The following PPP1R1C variants were observed in gnomAD, a reference collection of about 807,000 sequenced individuals.
PPP1R1C encodes protein phosphatase 1 regulatory subunit 1C.
Under a neutral mutation model 17.4 loss-of-function variants are expected in PPP1R1C, and 15 were observed. The ratio of observed to expected loss-of-function variants is 0.86; its 90% CI spans 0.58 to 1.33. PPP1R1C has a LOEUF of 1.33. PPP1R1C is among the 40% of genes most tolerant of loss of function. The pLI is 0.00. For synonymous variants in PPP1R1C, 35 were observed against 43.1 expected (o/e 0.81, Z 0.73); for missense variants, 143 against 130.0 (o/e 1.10, Z -0.48).
At chr2:181,965,525 G>C (rs967908444) in intron 1 of PPP1R1C, among the ~76,000 whole-genome samples, 2 of 152,154 alleles carry the variant, frequency 1.3e-5, no homozygotes, top group Non-Finnish European at 2.9e-5. Context: ...TAAATATTCA[G>C]TTTTCCTGGC....
chr2:182,034,902 GT>G (rs1186658021), intron 2 of PPP1R1C, among the ~76,000 whole-genome samples: 9 of 152,344 alleles, frequency 5.9e-5, no homozygotes, highest in African/African-American at 1.9e-4. Context: ...TACAATGAAT[GT>G]TTTATGGATT....
intron 2 of PPP1R1C, among the ~76,000 whole-genome samples, chr2:182,043,597 A>AT (rs1687251945): frequency 6.6e-6 from 1 of 152,172 alleles, no homozygotes; most frequent in African/African-American, 2.4e-5. Flanking sequence ...ACTCATGTAA[A>AT]TGTGGAGTAG....
intron 4 of PPP1R1C, among the ~76,000 whole-genome samples, chr2:182,072,931 T>A (rs1688181311): frequency 6.6e-6 from 1 of 152,330 alleles, no homozygotes; most frequent in South Asian, 2.1e-4. Context: ...TGTTCACTAA[T>A]TCCTTTAGAG....
At chr2:182,115,879 CTTTCA>C (rs1238712450) in intron 4 of PPP1R1C, among the ~76,000 whole-genome samples, 5 of 151,990 alleles carry the variant, frequency 3.3e-5, no homozygotes, top group Non-Finnish European at 5.9e-5. Context: ...GAATGACTTC[CTTTCA>C]TTTATCAATT....
intron 2 of PPP1R1C, among the ~76,000 whole-genome samples, chr2:182,030,432 G>T (rs1418984903): frequency 6.6e-6 from 1 of 151,242 alleles, no homozygotes; most frequent in Non-Finnish European, 1.5e-5. Context: ...CCTTCTAACA[G>T]ACAGGACCCT....
intron 4 of PPP1R1C, among the ~76,000 whole-genome samples, chr2:182,115,544 G>A (rs1244575962): frequency 2.6e-5 from 4 of 152,092 alleles, no homozygotes; most frequent in Non-Finnish European, 5.9e-5. Context: ...CAAGCAGAGT[G>A]ACTGGTTGGA....
intron 2 of PPP1R1C, among the ~76,000 whole-genome samples, chr2:182,044,064 G>T (rs1008280457): frequency 6.6e-6 from 1 of 152,116 alleles, no homozygotes; most frequent in Non-Finnish European, 1.5e-5. Flanking sequence ...TGTGCAAGTC[G>T]AGTCCATTCT....
intron 4 of PPP1R1C, among the ~76,000 whole-genome samples, chr2:182,081,942 G>A (rs540916686): frequency 5.3e-4 from 80 of 152,120 alleles, no homozygotes; most frequent in African/African-American, 1.8e-3. Context: ...GTAGTTAATG[G>A]GAAAGCAAAT....
intron 1 of PPP1R1C, among the ~76,000 whole-genome samples, chr2:181,987,413 A>G (rs943587886): frequency 6.6e-6 from 1 of 152,204 alleles, no homozygotes; most frequent in African/African-American, 2.4e-5. Context: ...CTGTTGATTT[A>G]ACTCTGGTAC....
At chr2:182,037,714 A>C (rs1559067173) in intron 2 of PPP1R1C, among the ~76,000 whole-genome samples, 1 of 152,242 alleles carries the variant, frequency 6.6e-6, no homozygotes, top group Non-Finnish European at 1.5e-5. Context: ...GTTTATGAAC[A>C]AGAAAACCTC....
chr2:182,118,273 A>G (rs1000590641), downstream of PPP1R1C, among the ~76,000 whole-genome samples: 10 of 152,194 alleles, frequency 6.6e-5, no homozygotes, highest in African/African-American at 2.4e-4. Context: ...AAGATAAAGC[A>G]TTAGCATAAA....
rs574374590 is a variant in PPP1R1C, at chr2:182,005,983, G to T, written c.142+18084G>T. Among the ~76,000 whole-genome samples, 9 of 152,208 alleles carry T rather than the reference G, an allele frequency of 5.9e-5. No homozygotes were observed. The East Asian group carries it at 1.7e-3, about 29-fold the overall frequency. On this transcript the variant is annotated intron_variant, in intron 2 of 4. Coordinates refer to ENST00000682840, the MANE Select transcript of PPP1R1C (RefSeq NM_001080545.3). ...TGGCATCACAGTATTAGAGCCAAAA[G>T]TACTCACAGTAAATAAAACATTAAT...
At chr2:182,047,143 C>T (rs1687372180) in intron 2 of PPP1R1C, among the ~76,000 whole-genome samples, 1 of 152,100 alleles carries the variant, frequency 6.6e-6, no homozygotes, top group Admixed American at 6.5e-5. Flanking sequence ...ATGCTCACCT[C>T]AATTATTTCC....
At chr2:182,096,692 G>A (rs1364015732) in intron 4 of PPP1R1C, among the ~76,000 whole-genome samples, 2 of 152,006 alleles carry the variant, frequency 1.3e-5, no homozygotes, top group Non-Finnish European at 2.9e-5. Context: ...GATTAACATG[G>A]CTGGTTCCTT....
chr2:182,031,328 A>G (rs1419616608), intron 2 of PPP1R1C, among the ~76,000 whole-genome samples: 1 of 152,234 alleles, frequency 6.6e-6, no homozygotes, highest in Non-Finnish European at 1.5e-5. Context: ...AGTAATATTG[A>G]GTGGCTTTCT....
chr2:181,972,773 A>G (rs1685034247), intron 1 of PPP1R1C, among the ~76,000 whole-genome samples: 1 of 152,178 alleles, frequency 6.6e-6, no homozygotes, highest in Non-Finnish European at 1.5e-5. Context: ...TCTATTTTCT[A>G]TAGAGTGCCA....
At chr2:182,073,801 C>T (rs1461479075) in intron 4 of PPP1R1C, among the ~76,000 whole-genome samples, 4 of 152,022 alleles carry the variant, frequency 2.6e-5, no homozygotes, top group South Asian at 2.1e-4. Context: ...TGAATGGGCA[C>T]GTGAACTTTG....
chr2:182,068,514 C>G (rs1332588011), intron 4 of PPP1R1C, among the ~76,000 whole-genome samples: 3 of 152,180 alleles, frequency 2.0e-5, no homozygotes, highest in Non-Finnish European at 2.9e-5. Context: ...GATTACCACG[C>G]TTGCAACATT....
intron 1 of PPP1R1C, among the ~76,000 whole-genome samples, chr2:181,973,580 A>G (rs1336757354): frequency 6.6e-6 from 1 of 152,222 alleles, no homozygotes; most frequent in Non-Finnish European, 1.5e-5. Flanking sequence ...CAAGTTTTAT[A>G]GTGATAATAA....
Sources: allele counts gnomAD v4.1 joint callset (sites outside exome capture counted in the v4.1 genomes callset), GRCh38; gene constraint gnomAD v4.1.1; transcripts MANE v1.5; gene names NCBI Gene and HGNC (gene_info 2026-07-23, HGNC 2026-07-21).